The following FOXP1 variants were observed in gnomAD, a reference collection of about 807,000 sequenced individuals.
FOXP1 encodes forkhead box protein P1.
Under a neutral mutation model 98.2 loss-of-function variants are expected in FOXP1, and 15 were observed. That is an observed-to-expected ratio of 0.15 (90% confidence interval 0.10 to 0.24). FOXP1 has a LOEUF of 0.24. FOXP1 is among the 10% of genes least tolerant of loss of function. FOXP1 has a pLI of 1.00. For missense variants in FOXP1, 633 were observed against 848.5 expected, an observed-to-expected ratio of 0.75 and a Z score of 3.15; for synonymous variants, 371 against 314.5, an observed-to-expected ratio of 1.18 and a Z score of -1.90.
At chr3:71,365,635 T>C (rs1426145138) in intron 3 of FOXP1, among the ~76,000 whole-genome samples, 1 of 152,154 alleles carries the variant, frequency 6.6e-6, no homozygotes, top group Non-Finnish European at 1.5e-5. Flanking sequence ...CACTAAAAGT[T>C]TCAAAATCAG....
At chr3:71,353,565 G>C (rs1311575412) in intron 4 of FOXP1, among the ~76,000 whole-genome samples, 1 of 152,010 alleles carries the variant, frequency 6.6e-6, no homozygotes, top group Non-Finnish European at 1.5e-5. Context: ...AACCACGTTT[G>C]ATGCCTTAAA....
chr3:71,033,602 C>CAAAAAAAAAAAAAAA (rs35470748), intron 11 of FOXP1, among the ~76,000 whole-genome samples: 26 of 70,672 alleles, frequency 3.7e-4, no homozygotes, highest in South Asian at 7.3e-4. Flanking sequence ...AGTGAACAGT[C>CAAAAAAAAAAAAAAA]AAAAAAAAAA....
chr3:71,380,698 A>ATTTTTTTTTTTTTTTTCTTT (rs2080085828), intron 3 of FOXP1, among the ~76,000 whole-genome samples: 1 of 100,264 alleles, frequency 1.0e-5, no homozygotes, highest in Non-Finnish European at 1.9e-5. Context: ...CTTTTTAGAC[A>ATTTTTTTTTTTTTTTTCTTT]TTTTTTTTTT....
intron 6 of FOXP1, among the ~76,000 whole-genome samples, chr3:71,163,081 A>G (rs1443502790): frequency 6.6e-6 from 1 of 152,252 alleles, no homozygotes; most frequent in Non-Finnish European, 1.5e-5. Flanking sequence ...ACGGACTTTG[A>G]GTTAGAGAAC....
At chr3:71,331,627 C>T (rs888374361) in intron 4 of FOXP1, among the ~76,000 whole-genome samples, 3 of 152,268 alleles carry the variant, frequency 2.0e-5, no homozygotes, top group Non-Finnish European at 2.9e-5. Flanking sequence ...CCAATCAGCA[C>T]TCTGTATCTA....
chr3:71,395,732 A>C (rs2081332341), intron 3 of FOXP1, among the ~76,000 whole-genome samples: 1 of 152,154 alleles, frequency 6.6e-6, no homozygotes, highest in Non-Finnish European at 1.5e-5. Context: ...TGGCACACAC[A>C]AAGTCTTCAA....
At chr3:71,298,927 C>T (rs2073603087) in intron 5 of FOXP1, among the ~76,000 whole-genome samples, 1 of 152,140 alleles carries the variant, frequency 6.6e-6, no homozygotes, top group Admixed American at 6.6e-5. Context: ...ACCATGCTGG[C>T]AGGTAACCTG....
intron 7 of FOXP1, among the ~76,000 whole-genome samples, chr3:71,057,368 A>G (rs1436665175): frequency 7.9e-6 from 1 of 126,882 alleles, no homozygotes; most frequent in Non-Finnish European, 1.6e-5. Flanking sequence ...TGAGATAACA[A>G]CATTCATTTC....
intron 5 of FOXP1, among the ~76,000 whole-genome samples, chr3:71,262,626 C>T (rs942203720): frequency 3.9e-5 from 6 of 152,076 alleles, no homozygotes; most frequent in Admixed American, 3.9e-4. Context: ...ACGTGGGAAA[C>T]AAATCATTCC....
At chr3:71,009,867 G>T (rs536053107) in intron 12 of FOXP1, among the ~76,000 whole-genome samples, 1 of 151,284 alleles carries the variant, frequency 6.6e-6, no homozygotes, top group East Asian at 2.0e-4. Flanking sequence ...TCCCACCTTA[G>T]CTTCCCAATT....
intron 5 of FOXP1, chr3:71,288,359 G>A (rs1050027422): frequency 2.6e-5 from 4 of 152,158 alleles, no homozygotes; most frequent in Admixed American, 6.5e-5. Context: ...AAGAAATCTT[G>A]AAAATGTTCA....
At chr3:71,422,412 G>A (rs995073401) in intron 3 of FOXP1, among the ~76,000 whole-genome samples, 64 of 152,316 alleles carry the variant, frequency 4.2e-4, no homozygotes, top group African/African-American at 1.5e-3. Context: ...GGTGGGGCCT[G>A]AGACCCTGCA....
intron 5 of FOXP1, among the ~76,000 whole-genome samples, chr3:71,208,536 T>TTGTGTGTG (rs1553780525): frequency 4.1e-4 from 62 of 149,452 alleles, no homozygotes; most frequent in South Asian, 4.3e-4. Context: ...GCATTTAAGT[T>TTGTGTGTG]TGTGTGTGTG....
chr3:71,009,167 G>C (rs112329994), intron 12 of FOXP1, among the ~76,000 whole-genome samples: 2 of 84,022 alleles, frequency 2.4e-5, no homozygotes, highest in Non-Finnish European at 5.9e-5. Flanking sequence ...GGGGGGGGGG[G>C]GCGCATGACA....
chr3:71,158,791 T>C (rs945174627), intron 6 of FOXP1, among the ~76,000 whole-genome samples: 2 of 148,560 alleles, frequency 1.3e-5, no homozygotes, highest in African/African-American at 2.5e-5. Flanking sequence ...TTGTCAAAGG[T>C]TGGCTTGAAT....
intron 5 of FOXP1, among the ~76,000 whole-genome samples, chr3:71,267,496 C>T (rs2069813246): frequency 6.6e-6 from 1 of 152,054 alleles, no homozygotes; most frequent in East Asian, 1.9e-4. Context: ...GTAGAAATGG[C>T]AAACAGGTGG....
chr3:71,391,851 C>CT lies in FOXP1; in HGVS notation c.-167-32608dup, dbSNP rs566960822. Reference sequence around the variant, plus strand: ...AGGGATCTGCTGCTCTCTCTCTGTGCTGGGGGACCTCATGTTGGATCAGGA... The same window carrying CT: ...AGGGATCTGCTGCTCTCTCTCTGTGCTTGGGGGACCTCATGTTGGATCAGGA... On this transcript the variant is annotated intron_variant, in intron 3 of 20. Transcript: ENST00000649528. 2.6e-5 allele frequency among the ~76,000 whole-genome samples: 4 copies of CT among 152,316 alleles called. No homozygotes were observed. The South Asian group carries it at 8.3e-4, about 32-fold the overall frequency.
rs186839909 is a variant in FOXP1, at chr3:71,202,549, G to C, written c.-11-4157C>G. Reference sequence around the variant, plus strand: ...TCAAACTTGTAACAAGGCTAGGAGGGAGATAAGGCAGGTAAATGTTATCCC... The same window carrying C: ...TCAAACTTGTAACAAGGCTAGGAGGCAGATAAGGCAGGTAAATGTTATCCC... On this transcript the variant is annotated intron_variant, in intron 5 of 20. Coordinates refer to ENST00000649528, the MANE Select transcript of FOXP1 (RefSeq NM_001349338.3). Among the ~76,000 whole-genome samples the C allele has an allele frequency of 1.7e-3, 257 of 152,270 alleles. 4 individuals are homozygous for C. The highest frequency in any genetic ancestry group is 0.016 in the Admixed American group (250 of 15,300).
intron 3 of FOXP1, among the ~76,000 whole-genome samples, chr3:71,470,278 T>G (rs1454065452): frequency 6.6e-6 from 1 of 152,154 alleles, no homozygotes; most frequent in Non-Finnish European, 1.5e-5. Flanking sequence ...AATAACAGTA[T>G]CTACCACATA....
Sources: allele counts gnomAD v4.1 joint callset (sites outside exome capture counted in the v4.1 genomes callset), GRCh38; gene constraint gnomAD v4.1.1; transcripts MANE v1.5; gene names NCBI Gene and HGNC (gene_info 2026-07-23, HGNC 2026-07-21).